ZNF362: variants seen among roughly 807,000 people sequenced by gnomAD.
ZNF362 encodes zinc finger protein 362, also known as rotund homolog.
A neutral mutation model predicts 42.9 loss-of-function variants in ZNF362; 11 were observed. That is an observed-to-expected ratio of 0.26 (90% confidence interval 0.16 to 0.42). The LOEUF (loss-of-function observed/expected upper bound fraction) is 0.42. ZNF362 is among the 20% of genes least tolerant of loss of function. The probability of loss-of-function intolerance (pLI) is 1.00; values close to 1 mark genes in which losing one functional copy is unlikely to be tolerated. For missense variants in ZNF362, 362 were observed against 576.2 expected (o/e 0.63, Z 3.81); for synonymous variants, 255 against 257.3 (o/e 0.99, Z 0.09).
the ZNF362 span, chr1:33,165,374 C>T: frequency 1.6e-5 from 19 of 1,165,854 alleles, no homozygotes; most frequent in Non-Finnish European, 2.3e-5. The surrounding 1 kb of genome is among the most constrained non-coding windows in gnomAD (Gnocchi z 4.0). Flanking sequence ...TTCCACCGCA[C>T]ACCCGAGGCC....
chr1:33,243,378 G>C, the ZNF362 span, among the ~76,000 whole-genome samples: 2 of 151,670 alleles, frequency 1.3e-5, no homozygotes, highest in Non-Finnish European at 2.9e-5. Flanking sequence ...GGAGATGGGG[G>C]TTTCACCATG....
At chr1:33,224,535 C>T in the ZNF362 span, among the ~76,000 whole-genome samples, 2 of 152,038 alleles carry the variant, frequency 1.3e-5, no homozygotes, top group African/African-American at 2.4e-5. Flanking sequence ...TGCAAGAGAT[C>T]TATAAGAGAT....
chr1:33,276,615 C>G (rs966645737), intron 4 of ZNF362, 21 bp downstream of exon 4: 2 of 1,315,664 alleles, frequency 1.5e-6, no homozygotes, highest in South Asian at 3.9e-5. Context: ...CGGGCGGGGC[C>G]GGCGGGGCCG....
chr1:33,181,433 G>A, the ZNF362 span: 4 of 1,591,568 alleles, frequency 2.5e-6, no homozygotes, highest in South Asian at 1.1e-5. The surrounding 1 kb of genome is among the most constrained non-coding windows in gnomAD (Gnocchi z 6.5). Context: ...TGCACGCCAT[G>A]GCGCCAGGGG....
chr1:33,147,102 A>T, the ZNF362 span: 2 of 1,530,818 alleles, frequency 1.3e-6, no homozygotes, highest in African/African-American at 2.7e-5. The surrounding 1 kb of genome is among the most constrained non-coding windows in gnomAD (Gnocchi z 8.1). Context: ...GCTGGAGTCC[A>T]GGTCTTCTAT....
rs1206475269 is a variant in ZNF362, at chr1:33,294,746, GA to G, written c.909-190del. On this transcript the variant is annotated intron_variant, in intron 6 of 8. Coordinates refer to ENST00000539719, the MANE Select transcript of ZNF362 (RefSeq NM_152493.3). The surrounding 1 kb of genome is among the most constrained non-coding windows in gnomAD (Gnocchi z 4.2). Reference sequence around the variant, plus strand: ...GGAGGCTCTGGTCAGACTGGCAGTGGAGGCCAGAGAAGGAAGGAAGAGCCAT... The same window carrying G: ...GGAGGCTCTGGTCAGACTGGCAGTGGGGCCAGAGAAGGAAGGAAGAGCCAT... 1.3e-5 allele frequency among the ~76,000 whole-genome samples: 2 copies of G among 152,152 alleles called. No individual in the cohort carries two copies. Among genetic ancestry groups the G allele is most frequent in the Admixed American group, 6.5e-5 (1 of 15,286 alleles).
the ZNF362 span, among the ~76,000 whole-genome samples, chr1:33,229,023 G>C: frequency 6.6e-6 from 1 of 152,056 alleles, no homozygotes; most frequent in African/African-American, 2.4e-5. Flanking sequence ...CCTCTGCAAG[G>C]GGTGGTTTTC....
chr1:33,212,127 G>A, the ZNF362 span, among the ~76,000 whole-genome samples: 44 of 152,130 alleles, frequency 2.9e-4, no homozygotes, highest in African/African-American at 9.2e-4. Flanking sequence ...GTGTAGCACC[G>A]CCGCCTTCTC....
At chr1:33,236,875 A>G in the ZNF362 span, among the ~76,000 whole-genome samples, 4 of 152,032 alleles carry the variant, frequency 2.6e-5, no homozygotes, top group Non-Finnish European at 5.9e-5. Context: ...GCTCGAGACC[A>G]GCCTGGTCAA....
the ZNF362 span, among the ~76,000 whole-genome samples, chr1:33,250,386 C>T: frequency 1.3e-5 from 2 of 152,278 alleles, no homozygotes; most frequent in Admixed American, 1.3e-4. Flanking sequence ...TACATATACA[C>T]CATGGAATAC....
the ZNF362 span, among the ~76,000 whole-genome samples, chr1:33,247,763 C>T: frequency 1.3e-5 from 2 of 152,174 alleles, no homozygotes; most frequent in African/African-American, 4.8e-5. Flanking sequence ...ATTGTCAGCC[C>T]AGATGGGGGA....
the ZNF362 span, among the ~76,000 whole-genome samples, chr1:33,148,738 T>C: frequency 6.6e-6 from 1 of 152,240 alleles, no homozygotes; most frequent in Non-Finnish European, 1.5e-5. Context: ...ATAAAAAGGT[T>C]ATATTATCTT....
chr1:33,258,205 C>T (rs1040559632), intron 1 of ZNF362, among the ~76,000 whole-genome samples: 1 of 152,178 alleles, frequency 6.6e-6, no homozygotes, highest in Admixed American at 6.5e-5. Context: ...CCTGAAGTAT[C>T]TTGCTGGACA....
chr1:33,263,119 CA>C (rs1271172296), intron 1 of ZNF362, among the ~76,000 whole-genome samples: 1 of 152,248 alleles, frequency 6.6e-6, no homozygotes, highest in East Asian at 1.9e-4. Context: ...CTTGCATGCA[CA>C]TGCTTATTTA....
At chr1:33,193,315 C>A in the ZNF362 span, among the ~76,000 whole-genome samples, 2 of 152,014 alleles carry the variant, frequency 1.3e-5, no homozygotes, top group Non-Finnish European at 2.9e-5. Context: ...TTGGGGGAAC[C>A]CTAGCTAAGA....
chr1:33,282,452 C>T (rs1317590815), intron 6 of ZNF362, among the ~76,000 whole-genome samples: 7 of 152,162 alleles, frequency 4.6e-5, no homozygotes, highest in South Asian at 2.1e-4. Flanking sequence ...AGAAAACAGA[C>T]GAAAATCTCT....
At chr1:33,241,338 T>C in the ZNF362 span, among the ~76,000 whole-genome samples, 4 of 151,596 alleles carry the variant, frequency 2.6e-5, no homozygotes, top group East Asian at 7.7e-4. Context: ...CTACTAAAAA[T>C]ACAAAAATTA....
chr1:33,232,396 C>G, the ZNF362 span, among the ~76,000 whole-genome samples: 2 of 152,144 alleles, frequency 1.3e-5, no homozygotes, highest in African/African-American at 4.8e-5. Flanking sequence ...ACCCAAGTAA[C>G]TACAGGCTCA....
At chr1:33,290,634 G>T (rs1278253954) in intron 6 of ZNF362, among the ~76,000 whole-genome samples, 4 of 151,338 alleles carry the variant, frequency 2.6e-5, no homozygotes, top group Non-Finnish European at 1.5e-5. Context: ...CTGAGGAATC[G>T]CCACACTGAC....
Sources: allele counts gnomAD v4.1 joint callset (sites outside exome capture counted in the v4.1 genomes callset), GRCh38; gene constraint gnomAD v4.1.1; non-coding constraint Gnocchi (gnomAD v3.1); transcripts MANE v1.5; gene names NCBI Gene and HGNC (gene_info 2026-07-23, HGNC 2026-07-21).